IGF2BP3: variants seen among roughly 807,000 people sequenced by gnomAD.
The protein encoded by IGF2BP3 is insulin-like growth factor 2 mRNA-binding protein 3.
Under a neutral mutation model 73.8 loss-of-function variants are expected in IGF2BP3, and 9 were observed. That is an observed-to-expected ratio of 0.12 (90% CI 0.07 to 0.21). The LOEUF (loss-of-function observed/expected upper bound fraction) is 0.21. Ranked by LOEUF, IGF2BP3 falls within the 10% of genes least tolerant of loss-of-function variation. The pLI, the probability that IGF2BP3 is intolerant of heterozygous loss-of-function variation, is 1.00. For synonymous variants in IGF2BP3, 258 were observed against 256.7 expected, an observed-to-expected ratio of 1.01 and a Z score of -0.05; for missense variants, 542 against 714.0, an observed-to-expected ratio of 0.76 and a Z score of 2.75.
intron 3 of IGF2BP3, among the ~76,000 whole-genome samples, chr7:23,403,902 C>T (rs1013097444): frequency 6.6e-6 from 1 of 151,636 alleles, no homozygotes; most frequent in Non-Finnish European, 1.5e-5. Context: ...GGAGGAGGAT[C>T]GCTTAAGCTC....
At chr7:23,403,713 C>T (rs1432810582) in intron 3 of IGF2BP3, among the ~76,000 whole-genome samples, 1 of 152,176 alleles carries the variant, frequency 6.6e-6, no homozygotes. Flanking sequence ...AGCTGCAAGA[C>T]CTTGGCAAGT....
chr7:23,422,109 A>G (rs370369730), intron 2 of IGF2BP3, among the ~76,000 whole-genome samples: 195 of 152,236 alleles, frequency 1.3e-3, no homozygotes, highest in African/African-American at 3.6e-3. Flanking sequence ...TATCTAACAC[A>G]GTAAGGATTA....
At chr7:23,327,067 TAAATA>T (rs1784318666) in intron 10 of IGF2BP3, among the ~76,000 whole-genome samples, 1 of 146,726 alleles carries the variant, frequency 6.8e-6, no homozygotes, top group South Asian at 2.2e-4. Flanking sequence ...TAAAGTATAA[TAAATA>T]AATTAATTAA....
intron 2 of IGF2BP3, among the ~76,000 whole-genome samples, chr7:23,439,714 AAAGG>A (rs1371548042): frequency 3.3e-5 from 5 of 152,216 alleles, no homozygotes; most frequent in Non-Finnish European, 5.9e-5. Flanking sequence ...CAAGTCTCTC[AAAGG>A]AAGAAAAACT....
chr7:23,330,490 T>A (rs1477344409), intron 10 of IGF2BP3, among the ~76,000 whole-genome samples: 4 of 151,902 alleles, frequency 2.6e-5, no homozygotes, highest in Non-Finnish European at 5.9e-5. Flanking sequence ...TTCCTGTGAG[T>A]CAAAAGAAAT....
chr7:23,434,441 A>G (rs1418321922), intron 2 of IGF2BP3, among the ~76,000 whole-genome samples: 1 of 152,220 alleles, frequency 6.6e-6, no homozygotes, highest in African/African-American at 2.4e-5. Flanking sequence ...TTACACAGCC[A>G]GACTTGTTTA....
chr7:23,382,101 C>T (rs1785929796), intron 3 of IGF2BP3, among the ~76,000 whole-genome samples: 2 of 152,008 alleles, frequency 1.3e-5, no homozygotes, highest in African/African-American at 2.4e-5. Flanking sequence ...AATAAATTAG[C>T]CAGGTGTGGT....
intron 3 of IGF2BP3, among the ~76,000 whole-genome samples, chr7:23,406,670 G>A (rs1053859662): frequency 4.6e-5 from 7 of 152,088 alleles, no homozygotes; most frequent in East Asian, 1.9e-4. Flanking sequence ...GGACCCTGGC[G>A]GGTTGCCACT....
chr7:23,312,582 G>A, intron 14 of IGF2BP3, 122 bp from the exon 15 acceptor site: 2 of 902,874 alleles, frequency 2.2e-6, no homozygotes, highest in Non-Finnish European at 3.6e-6. Flanking sequence ...ATACTAGTCA[G>A]TTTGCTAGTA....
rs538546237 is a variant in IGF2BP3 at position 23,451,927 on chromosome 7, G to A, written c.236+16555C>T. Among the ~76,000 whole-genome samples, 9 of 139,478 alleles carry A rather than the reference G, an allele frequency of 6.5e-5. No homozygotes were observed. The East Asian group carries it at 1.2e-3, about 18-fold the overall frequency. 91.5% of individuals were successfully genotyped at this position (139,478 alleles called of 152,430 possible). A position where few individuals can be genotyped will look rare whatever the true frequency, so the allele number is the denominator to read the frequency against. ...TACACCACTGCACTCCAGCCTGGGCGACAGAGCAAGATAAAAAAAAAAAAA... is the reference window on the plus strand; with the variant it reads ...TACACCACTGCACTCCAGCCTGGGCAACAGAGCAAGATAAAAAAAAAAAAA... On this transcript the variant is annotated intron_variant, in intron 2 of 14. Transcript: ENST00000258729.
At chr7:23,359,589 G>A in intron 5 of IGF2BP3, among the ~76,000 whole-genome samples, 1 of 152,064 alleles carries the variant, frequency 6.6e-6, no homozygotes. Context: ...GCTCATGCCT[G>A]TAATCCCAGC....
chr7:23,398,228 C>A (rs917118174), intron 3 of IGF2BP3, among the ~76,000 whole-genome samples: 5 of 152,162 alleles, frequency 3.3e-5, no homozygotes, highest in Non-Finnish European at 7.3e-5. Context: ...CATGTTCCTA[C>A]AAAGGACATG....
chr7:23,380,077 T>C (rs1785858285), intron 3 of IGF2BP3, among the ~76,000 whole-genome samples: 1 of 151,798 alleles, frequency 6.6e-6, no homozygotes, highest in Non-Finnish European at 1.5e-5. Context: ...TCAAAATTAA[T>C]GTTCAGCCGT....
chr7:23,401,675 G>A (rs1301873632), intron 3 of IGF2BP3, among the ~76,000 whole-genome samples: 1 of 152,104 alleles, frequency 6.6e-6, no homozygotes, highest in African/African-American at 2.4e-5. Flanking sequence ...TGAGGCAGGA[G>A]AATGGCTTGA....
intron 2 of IGF2BP3, among the ~76,000 whole-genome samples, chr7:23,439,469 G>A (rs1209119009): frequency 2.1e-5 from 3 of 143,804 alleles, no homozygotes; most frequent in Non-Finnish European, 4.5e-5. Flanking sequence ...TGAGGCAGGA[G>A]AATGGCGTGA....
At chr7:23,409,200 G>A (rs1345242842) in intron 3 of IGF2BP3, among the ~76,000 whole-genome samples, 2 of 152,228 alleles carry the variant, frequency 1.3e-5, no homozygotes, top group African/African-American at 4.8e-5. Flanking sequence ...GTTCCTAACA[G>A]GCCACAGATG....
At chr7:23,423,355 T>G (rs1423431276) in intron 2 of IGF2BP3, among the ~76,000 whole-genome samples, 1 of 152,234 alleles carries the variant, frequency 6.6e-6, no homozygotes, top group South Asian at 2.1e-4. Flanking sequence ...ATGTTCCATC[T>G]GAGATTTGAG....
intron 10 of IGF2BP3, among the ~76,000 whole-genome samples, chr7:23,321,592 G>GCCTC (rs1428972517): frequency 2.6e-5 from 4 of 152,240 alleles, no homozygotes; most frequent in Non-Finnish European, 5.9e-5. Context: ...AGGCCTGCCT[G>GCCTC]CCTCTGTAGG....
intron 2 of IGF2BP3, among the ~76,000 whole-genome samples, chr7:23,460,177 T>TGAAAAA (rs1788412108): frequency 2.7e-5 from 1 of 36,886 alleles, no homozygotes. Context: ...AGACCCTGCC[T>TGAAAAA]CAAAAAAAAA....
Sources: allele counts gnomAD v4.1 joint callset (sites outside exome capture counted in the v4.1 genomes callset), GRCh38; gene constraint gnomAD v4.1.1; transcripts MANE v1.5; gene names NCBI Gene and HGNC (gene_info 2026-07-23, HGNC 2026-07-21).